Variants in ELMO1 observed in about 807,000 individuals in gnomAD.
ELMO1 encodes the protein engulfment and cell motility 1.
A neutral mutation model predicts 98.9 loss-of-function variants in ELMO1; 26 were observed. The ratio of observed to expected loss-of-function variants is 0.26; its 90% CI spans 0.19 to 0.36. The LOEUF is 0.36. Among genes scored for constraint, ELMO1 ranks in the 10% least tolerant of loss-of-function variants. ELMO1 has a pLI of 1.00. For missense variants in ELMO1, 627 were observed against 935.2 expected, an observed-to-expected ratio of 0.67 and a Z score of 4.30; for synonymous variants, 346 against 346.0, an observed-to-expected ratio of 1.00 and a Z score of 0.00.
chr7:37,125,484 A>G (rs1003583815), intron 14 of ELMO1, among the ~76,000 whole-genome samples: 2 of 152,264 alleles, frequency 1.3e-5, no homozygotes, highest in Non-Finnish European at 2.9e-5. Context: ...AAGGATATGA[A>G]CAGACACTTC....
At chr7:37,146,282 G>C (rs1033766999) in intron 13 of ELMO1, among the ~76,000 whole-genome samples, 1 of 152,164 alleles carries the variant, frequency 6.6e-6, no homozygotes, top group South Asian at 2.1e-4. Context: ...CAGTAGGTCT[G>C]GAATGGAGCC....
rs189298310 is a variant in ELMO1 at position 37,314,661 on chromosome 7, T to C, written c.192+189A>G. On this transcript the variant is annotated intron_variant, in intron 4 of 21. Coordinates refer to ENST00000310758, the MANE Select transcript of ELMO1 (RefSeq NM_014800.11). ...CAAGACACGAAACATATTTGGTCTT[T>C]ACTCTTGAGCTGGCAAATATCATCT... 1.0e-3 allele frequency among the ~76,000 whole-genome samples: 152 copies of C among 152,336 alleles called. 1 individual carries two copies. Among genetic ancestry groups the C allele is most frequent in the Non-Finnish European group, 4.4e-5 (3 of 68,040 alleles).
At chr7:37,065,221 CCAGG>C (rs1456069996) in intron 15 of ELMO1, among the ~76,000 whole-genome samples, 1 of 151,840 alleles carries the variant, frequency 6.6e-6, no homozygotes, top group East Asian at 1.9e-4. Flanking sequence ...TCTATGTTGC[CCAGG>C]CTGGTCTTGA....
intron 1 of ELMO1, among the ~76,000 whole-genome samples, chr7:37,353,966 T>C (rs1203026402): frequency 2.0e-5 from 3 of 152,224 alleles, no homozygotes; most frequent in Non-Finnish European, 2.9e-5. Flanking sequence ...CCCTTGGGTC[T>C]GCTTCAAAAA....
At position 36,852,969 on chromosome 7, in the gene ELMO1, C is replaced by T. The variant is rs142417319; in HGVS notation, c.*2582G>A. 7.0e-4 allele frequency among the ~76,000 whole-genome samples: 106 copies of T among 152,300 alleles called. No homozygotes were observed. The highest frequency in any genetic ancestry group is 2.5e-3 in the African/African-American group (102 of 41,566). ...ATAGCAGAATGCAACTTGGACTTCA[C>T]GACAACATCAGTCTTCCTACTTTAC... On this transcript the variant is annotated 3_prime_UTR_variant, in exon 22 of 22. Coordinates refer to ENST00000310758, the MANE Select transcript of ELMO1 (RefSeq NM_014800.11).
Sources: allele counts gnomAD v4.1 joint callset (sites outside exome capture counted in the v4.1 genomes callset), GRCh38; gene constraint gnomAD v4.1.1; transcripts MANE v1.5; gene names NCBI Gene and HGNC (gene_info 2026-07-23, HGNC 2026-07-21).